SHROOM2: variants seen among roughly 807,000 people sequenced by gnomAD.
SHROOM2 encodes the protein shroom family member 2.
In SHROOM2, 33 loss-of-function variants were observed where a neutral mutation model predicts 75.9. The observed-to-expected ratio is 0.43, with a 90% CI of 0.33 to 0.58. The LOEUF is 0.58. SHROOM2 is among the 20% of genes least tolerant of loss of function. The pLI is 0.04. For missense variants in SHROOM2, 1,434 were observed against 1,461.2 expected, an observed-to-expected ratio of 0.98 and a Z score of 0.30; for synonymous variants, 655 against 663.6, an observed-to-expected ratio of 0.99 and a Z score of 0.20.
chrX:9,837,276 G>A (rs2083951858), intron 1 of SHROOM2, among the ~76,000 whole-genome samples: 1 of 112,612 alleles, frequency 8.9e-6, no homozygotes, highest in African/African-American at 3.2e-5. Flanking sequence ...CTGTCACTTG[G>A]GAGCCGGGAT....
At chrX:9,851,375 C>A (rs1359043724) in intron 1 of SHROOM2, among the ~76,000 whole-genome samples, 2 of 110,058 alleles carry the variant, frequency 1.8e-5, no homozygotes, top group Non-Finnish European at 3.8e-5. Flanking sequence ...GGGTCCTGTA[C>A]CCAGGTTCCC....
intron 5 of SHROOM2, among the ~76,000 whole-genome samples, chrX:9,919,551 T>G (rs1485538166): frequency 9.2e-6 from 1 of 109,082 alleles, no homozygotes; most frequent in East Asian, 2.9e-4. Flanking sequence ...AGGATGGTCT[T>G]GATCTCCTGA....
chrX:9,795,254 A>C (rs1234416517), intron 1 of SHROOM2, among the ~76,000 whole-genome samples: 1 of 110,688 alleles, frequency 9.0e-6, no homozygotes, highest in Non-Finnish European at 1.9e-5. Flanking sequence ...CCTCCCAAGT[A>C]GTTGGGTTTA....
intron 1 of SHROOM2, among the ~76,000 whole-genome samples, chrX:9,870,673 T>C (rs911500434): frequency 1.8e-5 from 2 of 112,466 alleles, no homozygotes; most frequent in Non-Finnish European, 3.8e-5. Flanking sequence ...GACCAATCTT[T>C]TCACCTCTTT....
intron 1 of SHROOM2, among the ~76,000 whole-genome samples, chrX:9,807,606 C>G (rs958149085): frequency 8.9e-6 from 1 of 112,502 alleles, no homozygotes; most frequent in African/African-American, 3.2e-5. Context: ...GGACTGCATG[C>G]TGCCTGCTGG....
intron 1 of SHROOM2, among the ~76,000 whole-genome samples, chrX:9,802,160 C>T (rs996921882): frequency 2.8e-5 from 3 of 107,902 alleles, no homozygotes; most frequent in Non-Finnish European, 3.8e-5. Context: ...CTTGAGCTCC[C>T]GGGCTCAAGT....
In SHROOM2 at chrX:9,792,159, T is replaced by TAAAAAGAA. The variant is rs1240744489; in HGVS notation, c.165+5451_165+5452insAAAGAAAA. On this transcript the variant is annotated intron_variant, in intron 1 of 9. Coordinates refer to ENST00000380913, the MANE Select transcript of SHROOM2 (RefSeq NM_001649.4). Reference sequence around the variant, plus strand: ...TAGAATAGAATAGAATAGAATAGAATAATCACCAGTATCTGATACAGGGAG... The same window carrying TAAAAAGAA: ...TAGAATAGAATAGAATAGAATAGAATAAAAAGAAAATCACCAGTATCTGATACAGGGAG... 4.0e-4 allele frequency among the ~76,000 whole-genome samples: 3 copies of TAAAAAGAA among 7,413 alleles called. 1 individual carries two copies. Among genetic ancestry groups the TAAAAAGAA allele is most frequent in the African/African-American group, 9.8e-4 (3 of 3,057 alleles). 6.4% of individuals were successfully genotyped at this position (7,413 alleles called of 115,157 possible).
At chrX:9,888,739 C>T (rs1457846314) in intron 2 of SHROOM2, among the ~76,000 whole-genome samples, 1 of 111,965 alleles carries the variant, frequency 8.9e-6, no homozygotes, top group East Asian at 2.8e-4. Flanking sequence ...CCACAGCACC[C>T]GGCCATTTGC....
chrX:9,879,802 C>T (rs2091636254), intron 2 of SHROOM2, among the ~76,000 whole-genome samples: 1 of 111,962 alleles, frequency 8.9e-6, no homozygotes. Flanking sequence ...ATGTGCTATG[C>T]AGTGGGATCC....
chrX:9,790,416 C>A (rs939511936), intron 1 of SHROOM2, among the ~76,000 whole-genome samples: 6 of 111,727 alleles, frequency 5.4e-5, no homozygotes, highest in African/African-American at 2.0e-4. Flanking sequence ...AAAAGAGGGA[C>A]CTGATGAATT....
intron 1 of SHROOM2, among the ~76,000 whole-genome samples, chrX:9,848,510 CAAAAAA>C (rs774991614): frequency 1.8e-4 from 4 of 22,027 alleles, no homozygotes; most frequent in African/African-American, 3.1e-4. Flanking sequence ...GACTCCGTCT[CAAAAAA>C]AAAAAAAAAA....
Position 9,894,691 on chromosome X carries a change from G to C in SHROOM2, c.783G>C (p.Ser261=), listed in dbSNP as rs74461072. ...QAQAAGDPQG[S]EEKLSCFPPR... ...AGGCCGCAGGCGACCCTCAGGGCTCGGAGGAGAAGCTCAGTTGTTTCCCGC... is the reference window on the plus strand; with the variant it reads ...AGGCCGCAGGCGACCCTCAGGGCTCCGAGGAGAAGCTCAGTTGTTTCCCGC... Residue 261 remains serine, a synonymous_variant, in exon 4 of 10, where the codon TCG becomes TCC. Coordinates refer to ENST00000380913, the MANE Select transcript of SHROOM2 (RefSeq NM_001649.4). 12 of 1,208,806 alleles carry C rather than the reference G, an allele frequency of 9.9e-6. No homozygotes were observed. In the East Asian group the frequency reaches 3.0e-4, roughly 30 times the overall value.
intron 1 of SHROOM2, among the ~76,000 whole-genome samples, chrX:9,806,209 G>T (rs2083750754): frequency 9.0e-6 from 1 of 110,657 alleles, no homozygotes; most frequent in Non-Finnish European, 1.9e-5. Flanking sequence ...GGAGCGTTAG[G>T]CTTAGAGAGG....
intron 1 of SHROOM2, among the ~76,000 whole-genome samples, chrX:9,795,447 A>G (rs1396996612): frequency 1.8e-5 from 2 of 112,089 alleles, no homozygotes; most frequent in Non-Finnish European, 3.8e-5. Context: ...TTTTCATACC[A>G]TACTGATCTT....
In SHROOM2 at chrX:9,787,992, CTTTT is replaced by C. The variant is rs58004470; in HGVS notation, c.165+1291_165+1294del. Among the ~76,000 whole-genome samples the C allele has an allele frequency of 5.9e-5, 5 of 84,222 alleles. No individual in the cohort carries two copies. The East Asian group carries it at 1.5e-3, about 25-fold the overall frequency. The allele number at this position is 84,222 out of a possible 115,157, so 73.1% of individuals were successfully genotyped here. ...CTTTTCTTTTCTTTCTTTCTTTCTTCTTTTTTTTTTTTGAGACAGGGTCTTGTTC... is the reference window on the plus strand; with the variant it reads ...CTTTTCTTTTCTTTCTTTCTTTCTTCTTTTTTTTGAGACAGGGTCTTGTTC... On this transcript the variant is annotated intron_variant, in intron 1 of 9. Transcript: ENST00000380913.
intron 1 of SHROOM2, among the ~76,000 whole-genome samples, chrX:9,827,452 A>T (rs5934692): frequency 0.077 from 8,309 of 108,225 alleles, 243 homozygotes; most frequent in Middle Eastern, 0.12. Flanking sequence ...GCTCATGGTG[A>T]ACATTGAGTC....
chrX:9,942,766 G>C (rs1417616367), intron 8 of SHROOM2, among the ~76,000 whole-genome samples: 1 of 111,085 alleles, frequency 9.0e-6, no homozygotes, highest in Non-Finnish European at 1.9e-5. Flanking sequence ...CATTGGATAG[G>C]CCTGATAGAA....
intron 1 of SHROOM2, among the ~76,000 whole-genome samples, chrX:9,794,840 C>T: frequency 8.9e-6 from 1 of 111,916 alleles, no homozygotes. Flanking sequence ...CCCTCAAACC[C>T]TCCCCAGTGA....
At chrX:9,909,495 C>T (rs1453087066) in intron 5 of SHROOM2, among the ~76,000 whole-genome samples, 1 of 112,206 alleles carries the variant, frequency 8.9e-6, no homozygotes, top group Non-Finnish European at 1.9e-5. Flanking sequence ...CAAAGGGGAC[C>T]GAGGAGAGGA....
Sources: gnomAD v4.1 joint callset for allele counts (sites outside exome capture counted in the v4.1 genomes callset) on GRCh38, gnomAD v4.1.1 for gene constraint, MANE v1.5 for transcripts, NCBI Gene and HGNC (gene_info 2026-07-23, HGNC 2026-07-21) for gene names.